Variants in TSNARE1 observed in about 807,000 individuals in gnomAD.
The protein encoded by TSNARE1 is t-SNARE domain-containing protein 1.
Under a neutral mutation model 62.0 loss-of-function variants are expected in TSNARE1, and 49 were observed. The ratio of observed to expected loss-of-function variants is 0.79; its 90% CI spans 0.63 to 1.00. The LOEUF is 1.00. Among genes scored for constraint, TSNARE1 ranks in the 50% least tolerant of loss-of-function variants. TSNARE1 has a pLI of 0.00. For missense variants in TSNARE1, 755 were observed against 700.1 expected (o/e 1.08, Z -0.88); for synonymous variants, 328 against 294.4 (o/e 1.11, Z -1.17).
At chr8:142,393,906 G>A (rs1362521568) in intron 1 of TSNARE1, among the ~76,000 whole-genome samples, 1 of 152,188 alleles carries the variant, frequency 6.6e-6, no homozygotes, top group East Asian at 1.9e-4. Flanking sequence ...GCCTCTTGTG[G>A]TTGCAGCCGT....
chr8:142,317,551 C>G (rs1828777910), intron 7 of TSNARE1, among the ~76,000 whole-genome samples: 1 of 152,232 alleles, frequency 6.6e-6, no homozygotes, highest in African/African-American at 2.4e-5. Flanking sequence ...GACTCCTGCC[C>G]TGTAAAATCT....
At chr8:142,282,788 T>C (rs1225032020) in intron 11 of TSNARE1, among the ~76,000 whole-genome samples, 12 of 108,974 alleles carry the variant, frequency 1.1e-4, no homozygotes, top group East Asian at 2.8e-4. Context: ...AGAGGCGGGG[T>C]CAGTGTCTGC....
intron 12 of TSNARE1, among the ~76,000 whole-genome samples, chr8:142,252,560 T>C (rs566645956): frequency 6.6e-6 from 1 of 152,348 alleles, no homozygotes; most frequent in East Asian, 1.9e-4. Context: ...TCAATCTTCC[T>C]AAAGCTCCAG....
Position 142,302,006 on chromosome 8 carries a change from G to A in TSNARE1, c.1132-1362C>T, listed in dbSNP as rs951839687. 2.0e-5 allele frequency among the ~76,000 whole-genome samples: 3 copies of A among 152,306 alleles called. No individual in the cohort carries two copies. The South Asian group carries it at 6.2e-4, about 32-fold the overall frequency. ...CAACGAACAGTGCCACGTGTGCCAG[G>A]CCCACTGATGCCACGCCGGCCACTG... On this transcript the variant is annotated intron_variant, in intron 9 of 13. Transcript: ENST00000524325.
At chr8:142,254,932 C>A (rs1818349233) in intron 12 of TSNARE1, among the ~76,000 whole-genome samples, 1 of 152,168 alleles carries the variant, frequency 6.6e-6, no homozygotes, top group Admixed American at 6.5e-5. Context: ...CCAGGCCCCT[C>A]CAACAGGTCC....
intron 1 of TSNARE1, among the ~76,000 whole-genome samples, chr8:142,365,604 A>G (rs6583619): frequency 3.4e-3 from 296 of 87,574 alleles, no homozygotes; most frequent in Admixed American, 6.3e-3. Context: ...ATGCACACGC[A>G]CACACACACA....
intron 12 of TSNARE1, chr8:142,273,322 G>A (rs1244477958): frequency 2.0e-6 from 2 of 985,426 alleles, no homozygotes; most frequent in Non-Finnish European, 2.4e-6. Context: ...TTGAAACAAG[G>A]CCTTCTGCGT....
intron 1 of TSNARE1, among the ~76,000 whole-genome samples, chr8:142,394,038 C>T (rs1837727057): frequency 6.6e-6 from 1 of 152,246 alleles, no homozygotes; most frequent in African/African-American, 2.4e-5. Flanking sequence ...ACATTCTCCA[C>T]CCGTCCAATC....
chr8:142,225,378 T>C (rs1438340307), intron 13 of TSNARE1, among the ~76,000 whole-genome samples: 2 of 151,926 alleles, frequency 1.3e-5, no homozygotes, highest in Non-Finnish European at 2.9e-5. Flanking sequence ...GCTGCAGTGC[T>C]CCCTGCCCCT....
intron 10 of TSNARE1, chr8:142,299,981 G>A (rs908707037): frequency 6.6e-6 from 1 of 152,666 alleles, no homozygotes; most frequent in Non-Finnish European, 1.5e-5. Flanking sequence ...CGAAAAATAA[G>A]CAGCATCCAA....
intron 1 of TSNARE1, among the ~76,000 whole-genome samples, chr8:142,393,015 C>T (rs1045676121): frequency 4.6e-5 from 7 of 151,494 alleles, no homozygotes; most frequent in Non-Finnish European, 5.9e-5. Flanking sequence ...GCTGGGCCGG[C>T]CAGGGATAGG....
intron 12 of TSNARE1, among the ~76,000 whole-genome samples, chr8:142,231,352 G>A (rs1298820223): frequency 6.6e-6 from 1 of 152,210 alleles, no homozygotes; most frequent in Non-Finnish European, 1.5e-5. Flanking sequence ...TCTCCCTCTA[G>A]GTGTTGTCAC....
intron 11 of TSNARE1, among the ~76,000 whole-genome samples, chr8:142,282,964 A>G (rs1464665854): frequency 6.7e-6 from 1 of 149,644 alleles, no homozygotes; most frequent in Non-Finnish European, 1.5e-5. Flanking sequence ...AGGGGAGGCC[A>G]CTGTCTGTCT....
intron 11 of TSNARE1, chr8:142,275,409 C>G (rs1164477852): frequency 4.1e-6 from 4 of 985,202 alleles, no homozygotes; most frequent in Non-Finnish European, 4.8e-6. Flanking sequence ...GAGATGGTAC[C>G]TGGGAAAAGC....
At position 142,222,811 on chromosome 8, in the gene TSNARE1, T is replaced by TCATCCAC. The variant is rs1563756063; in HGVS notation, c.*11+6661_*11+6662insGTGGATG. Among the ~76,000 whole-genome samples the TCATCCAC allele has an allele frequency of 7.1e-3, 636 of 89,858 alleles. 169 individuals are homozygous for TCATCCAC. Among genetic ancestry groups the TCATCCAC allele is most frequent in the African/African-American group, 0.029 (544 of 19,008 alleles). The allele number at this position is 89,858 out of a possible 152,430, so 59.0% of individuals were successfully genotyped here. On this transcript the variant is annotated intron_variant, in intron 13 of 13. Transcript: ENST00000524325. ...ACTCACTCATCCACTCACTCACTCA[T>TCATCCAC]TCACTCACTCACTCACTCATTCACT...
At chr8:142,396,191 C>T (rs1265994325) in intron 1 of TSNARE1, among the ~76,000 whole-genome samples, 1 of 152,078 alleles carries the variant, frequency 6.6e-6, no homozygotes. Flanking sequence ...TCAGTGTGCA[C>T]CCCTCAGATG....
chr8:142,283,693 T>G (rs1032495786), intron 11 of TSNARE1, among the ~76,000 whole-genome samples: 1 of 150,838 alleles, frequency 6.6e-6, no homozygotes, highest in African/African-American at 2.4e-5. Context: ...TGTCTGTCAA[T>G]GAGCAGAGGC....
At position 142,314,447 on chromosome 8, in the gene TSNARE1, A is replaced by G. The variant is rs767197555; in HGVS notation, c.1075-7T>C. 6.2e-7 allele frequency: 1 copy of G among 1,613,250 alleles called. No homozygotes were observed. Among genetic ancestry groups the G allele is most frequent in the South Asian group, 1.1e-5 (1 of 90,936 alleles). ...TGGACTTTTCTGCAATTTTCTGTTG[A>G]AAAAAGGACAAGAGAAGAAAGACAG... On this transcript the variant is annotated splice_region_variant and splice_polypyrimidine_tract_variant and intron_variant, in intron 8 of 13. Coordinates refer to ENST00000524325, the MANE Select transcript of TSNARE1 (RefSeq NM_145003.5).
At chr8:142,229,029 G>T (rs1052069424) in intron 13 of TSNARE1, among the ~76,000 whole-genome samples, 3 of 151,518 alleles carry the variant, frequency 2.0e-5, no homozygotes, top group African/African-American at 7.3e-5. Context: ...ATGGATGGAT[G>T]GATGGATGGG....
Sources: gnomAD v4.1 joint callset for allele counts (sites outside exome capture counted in the v4.1 genomes callset) on GRCh38, gnomAD v4.1.1 for gene constraint, MANE v1.5 for transcripts, NCBI Gene and HGNC (gene_info 2026-07-23, HGNC 2026-07-21) for gene names.